The following MECOM variants were observed in gnomAD, a reference collection of about 807,000 sequenced individuals.
The protein encoded by MECOM is MDS1 and EVI1 complex locus, also known as histone-lysine N-methyltransferase MECOM.
In MECOM, 13 loss-of-function variants were observed where a neutral mutation model predicts 116.3. The observed-to-expected ratio is 0.11, with a 90% CI of 0.07 to 0.18. The LOEUF is 0.18. Among genes scored for constraint, MECOM ranks in the 10% least tolerant of loss-of-function variants. The pLI is 1.00. For missense variants in MECOM, 1,299 were observed against 1,509.0 expected, an observed-to-expected ratio of 0.86 and a Z score of 2.31; for synonymous variants, 528 against 535.2, an observed-to-expected ratio of 0.99 and a Z score of 0.19.
intron 2 of MECOM, among the ~76,000 whole-genome samples, chr3:169,157,789 A>C (rs1469631241): frequency 6.6e-6 from 1 of 152,198 alleles, no homozygotes; most frequent in Non-Finnish European, 1.5e-5. Flanking sequence ...GTTTGCTAAC[A>C]CAGTGCCCTA....
At chr3:169,553,919 T>A (rs1761706119) in intron 1 of MECOM, among the ~76,000 whole-genome samples, 1 of 151,586 alleles carries the variant, frequency 6.6e-6, no homozygotes, top group South Asian at 2.1e-4. Context: ...TATCTCCAAA[T>A]ACAGTCATAT....
chr3:169,446,023 T>A (rs1744569809), intron 1 of MECOM, among the ~76,000 whole-genome samples: 1 of 152,188 alleles, frequency 6.6e-6, no homozygotes, highest in African/African-American at 2.4e-5. Context: ...TGTTTTTGAT[T>A]TTACAGGCTC....
chr3:169,279,430 T>C (rs894210286), intron 2 of MECOM, among the ~76,000 whole-genome samples: 2 of 152,070 alleles, frequency 1.3e-5, no homozygotes, highest in African/African-American at 2.4e-5. Context: ...GTGGGAAATA[T>C]GTTTTACAAA....
At chr3:169,161,982 A>C (rs576377408) in intron 2 of MECOM, among the ~76,000 whole-genome samples, 64 of 152,348 alleles carry the variant, frequency 4.2e-4, no homozygotes, top group Admixed American at 1.6e-3. Context: ...CTGGACCACA[A>C]CTGCCCAGCT....
intron 1 of MECOM, among the ~76,000 whole-genome samples, chr3:169,402,174 A>G (rs75902848): frequency 0.11 from 17,193 of 152,176 alleles, 1,150 homozygotes; most frequent in East Asian, 0.22. Flanking sequence ...AACTTCAATG[A>G]GCTCATATAC....
At chr3:169,369,522 T>C (rs1375987843) in intron 2 of MECOM, among the ~76,000 whole-genome samples, 2 of 151,628 alleles carry the variant, frequency 1.3e-5, no homozygotes, top group East Asian at 3.9e-4. Flanking sequence ...AATTTTTAAT[T>C]TATTTTTTGT....
chr3:169,437,059 A>T (rs1204015320), intron 1 of MECOM, among the ~76,000 whole-genome samples: 1 of 152,236 alleles, frequency 6.6e-6, no homozygotes, highest in Admixed American at 6.5e-5. Context: ...GAGTAAAATA[A>T]AATCTTTTAT....
At chr3:169,137,381 T>C (rs963725704) in intron 3 of MECOM, among the ~76,000 whole-genome samples, 27 of 152,218 alleles carry the variant, frequency 1.8e-4, no homozygotes, top group African/African-American at 6.0e-4. Flanking sequence ...ATGATGTAAA[T>C]TTTAATAGGA....
chr3:169,466,978 T>C (rs926612302), intron 1 of MECOM: 9 of 152,202 alleles, frequency 5.9e-5, no homozygotes, highest in African/African-American at 2.2e-4. Context: ...GTTGTTGAAA[T>C]GTACAAAAAT....
intron 1 of MECOM, among the ~76,000 whole-genome samples, chr3:169,443,244 T>C (rs935636206): frequency 1.3e-5 from 2 of 152,126 alleles, no homozygotes; most frequent in Non-Finnish European, 2.9e-5. Flanking sequence ...CTCTTCCAAA[T>C]GCCACCATCA....
chr3:169,402,229 C>T (rs1185255573), intron 1 of MECOM, among the ~76,000 whole-genome samples: 1 of 152,154 alleles, frequency 6.6e-6, no homozygotes, highest in Non-Finnish European at 1.5e-5. Flanking sequence ...GTTGGCCACT[C>T]CCAGGAACTG....
intron 2 of MECOM, among the ~76,000 whole-genome samples, chr3:169,197,867 A>C (rs563916548): frequency 6.6e-6 from 1 of 152,012 alleles, no homozygotes; most frequent in African/African-American, 2.4e-5. Context: ...AGCAACTGAC[A>C]GGCGTTTGAT....
chr3:169,438,368 G>A (rs1173635202), intron 1 of MECOM, among the ~76,000 whole-genome samples: 1 of 152,162 alleles, frequency 6.6e-6, no homozygotes, highest in African/African-American at 2.4e-5. Context: ...AATGGTTCAA[G>A]AGTCCGTAGT....
intron 2 of MECOM, among the ~76,000 whole-genome samples, chr3:169,323,582 T>C (rs1013297454): frequency 2.6e-5 from 4 of 152,164 alleles, no homozygotes; most frequent in Non-Finnish European, 4.4e-5. Context: ...GCAAGCCTAA[T>C]GTTTTTCAGT....
intron 2 of MECOM, among the ~76,000 whole-genome samples, chr3:169,317,629 C>A (rs1443758483): frequency 6.6e-6 from 1 of 152,218 alleles, no homozygotes; most frequent in South Asian, 2.1e-4. Flanking sequence ...GCAACAGCTA[C>A]TTCCCTTATC....
chr3:169,164,366 C>T (rs1272741138), intron 2 of MECOM, among the ~76,000 whole-genome samples: 1 of 152,164 alleles, frequency 6.6e-6, no homozygotes, highest in East Asian at 1.9e-4. Context: ...TGAGGCCTCC[C>T]TAGCTATGTG....
intron 1 of MECOM, among the ~76,000 whole-genome samples, chr3:169,577,000 C>T (rs182940578): frequency 4.6e-5 from 7 of 152,250 alleles, no homozygotes; most frequent in South Asian, 2.1e-4. Flanking sequence ...CACTTGCTAA[C>T]GCTACTTTAG....
At chr3:169,371,306 T>TA (rs1234332287) in intron 2 of MECOM, among the ~76,000 whole-genome samples, 6 of 151,706 alleles carry the variant, frequency 4.0e-5, no homozygotes, top group African/African-American at 9.7e-5. Context: ...GAATCTAAAG[T>TA]AAAAAATGAT....
intron 2 of MECOM, among the ~76,000 whole-genome samples, chr3:169,341,507 C>G (rs969363678): frequency 1.3e-5 from 2 of 150,650 alleles, no homozygotes; most frequent in East Asian, 3.9e-4. Flanking sequence ...TTTGGGAGGC[C>G]GAGGTGGGAG....
Sources: gnomAD v4.1 joint callset for allele counts (sites outside exome capture counted in the v4.1 genomes callset) on GRCh38, gnomAD v4.1.1 for gene constraint, MANE v1.5 for transcripts, NCBI Gene and HGNC (gene_info 2026-07-23, HGNC 2026-07-21) for gene names.